Variants in OPA1 observed in about 807,000 individuals in gnomAD.
OPA1 encodes the protein dynamin-like GTPase OPA1, mitochondrial.
OPA1 carries 59 observed loss-of-function variants against 152.9 expected under a neutral mutation model. The observed-to-expected ratio is 0.39, with a 90% confidence interval of 0.31 to 0.48. The LOEUF (loss-of-function observed/expected upper bound fraction) is 0.48, where lower values mean the gene tolerates loss of function less well. OPA1 is among the 20% of genes least tolerant of loss of function. OPA1 has a pLI of 0.96. For missense variants in OPA1, 1,008 were observed against 1,216.8 expected, an observed-to-expected ratio of 0.83 and a Z score of 2.55; for synonymous variants, 400 against 389.9, an observed-to-expected ratio of 1.03 and a Z score of -0.31.
chr3:193,662,101 C>T (rs1035600104), intron 25 of OPA1, among the ~76,000 whole-genome samples: 2 of 151,916 alleles, frequency 1.3e-5, no homozygotes, highest in Admixed American at 6.6e-5. Flanking sequence ...AAGCTAGTTT[C>T]TTCTATCATA....
At chr3:193,662,714 TTG>T in intron 25 of OPA1, 106 bp from the exon 26 acceptor site, 1 of 883,068 alleles carries the variant, frequency 1.1e-6, no homozygotes, top group Admixed American at 2.2e-5. Flanking sequence ...GTGATTAAGC[TTG>T]TGTTATCTTT....
chr3:193,668,166 G>A (rs1301933084), intron 29 of OPA1: 4 of 607,830 alleles, frequency 6.6e-6, no homozygotes, highest in Non-Finnish European at 1.2e-5. Context: ...GCATTACAAG[G>A]TTTGTTCTAG....
chr3:193,660,703 T>G (rs1252500764), intron 25 of OPA1, among the ~76,000 whole-genome samples: 1 of 144,880 alleles, frequency 6.9e-6, no homozygotes, highest in East Asian at 1.9e-4. Context: ...TCTTTACTAT[T>G]TTTTTTTTTG....
At chr3:193,615,093 T>A (rs2108866291) in intron 2 of OPA1, 52 bp downstream of exon 2, 1 of 1,365,282 alleles carries the variant, frequency 7.3e-7, no homozygotes, top group Non-Finnish European at 1.0e-6. Flanking sequence ...TGATTAAGTT[T>A]CTATAGCATA....
At chr3:193,646,285 A>G (rs192283639) in intron 18 of OPA1, among the ~76,000 whole-genome samples, 108 of 152,306 alleles carry the variant, frequency 7.1e-4, no homozygotes, top group Non-Finnish European at 1.3e-3. Context: ...ATAGAAAAGT[A>G]TGTTTGTTCC....
intron 29 of OPA1, among the ~76,000 whole-genome samples, chr3:193,672,180 G>A (rs754430362): frequency 6.6e-6 from 1 of 152,142 alleles, no homozygotes; most frequent in Non-Finnish European, 1.5e-5. Context: ...ATGAAGATTG[G>A]TATGTTATAG....
chr3:193,600,268 G>A (rs186089366), intron 1 of OPA1, among the ~76,000 whole-genome samples: 38 of 152,242 alleles, frequency 2.5e-4, no homozygotes, highest in African/African-American at 8.9e-4. Context: ...GTCTCAGTGT[G>A]GAACTCACAA....
chr3:193,681,124 A>T (rs1295506306), intron 29 of OPA1, among the ~76,000 whole-genome samples: 1 of 152,224 alleles, frequency 6.6e-6, no homozygotes, highest in Admixed American at 6.5e-5. Context: ...TGGGTTTTCT[A>T]AGAATTCAGC....
intron 29 of OPA1, among the ~76,000 whole-genome samples, chr3:193,679,403 C>T (rs759164709): frequency 2.6e-5 from 4 of 151,958 alleles, no homozygotes; most frequent in Non-Finnish European, 5.9e-5. Flanking sequence ...AGGATCTGGC[C>T]CTCACATTTA....
intron 21 of OPA1, among the ~76,000 whole-genome samples, chr3:193,650,915 A>C (rs1560385665): frequency 6.6e-6 from 1 of 152,154 alleles, no homozygotes; most frequent in Non-Finnish European, 1.5e-5. Context: ...ACTATGGTAC[A>C]TTTTTAGAAA....
At chr3:193,597,004 A>G (rs1049678098) in intron 1 of OPA1, 2 of 152,200 alleles carry the variant, frequency 1.3e-5, no homozygotes, top group African/African-American at 4.8e-5. Context: ...AGTGGTGTCA[A>G]CGCCTAAAGT....
intron 23 of OPA1, among the ~76,000 whole-genome samples, chr3:193,658,289 T>G (rs564011010): frequency 1.3e-5 from 2 of 152,014 alleles, no homozygotes; most frequent in East Asian, 3.9e-4. Flanking sequence ...TTTATTCTTG[T>G]TAAATGCCTT....
intron 1 of OPA1, among the ~76,000 whole-genome samples, chr3:193,596,177 T>C (rs941518696): frequency 2.0e-5 from 3 of 147,474 alleles, no homozygotes; most frequent in Non-Finnish European, 1.5e-5. Flanking sequence ...ATCACTTAAC[T>C]TTCCTCTTAT....
chr3:193,659,035 T>C (rs1560035966), intron 24 of OPA1, 40 bp downstream of exon 24: 2 of 1,359,230 alleles, frequency 1.5e-6, no homozygotes, highest in East Asian at 2.3e-5. Flanking sequence ...GAGTTCACAG[T>C]GGTGAAGGAG....
intron 1 of OPA1, among the ~76,000 whole-genome samples, chr3:193,599,643 A>C (rs1329108371): frequency 6.6e-6 from 1 of 152,054 alleles, no homozygotes; most frequent in African/African-American, 2.4e-5. Context: ...TGTGGAAATA[A>C]TTTGAGATTT....
At chr3:193,668,422 T>C (rs754940888) in intron 29 of OPA1, 39 of 1,550,588 alleles carry the variant, frequency 2.5e-5, no homozygotes, top group Middle Eastern at 3.3e-4. Context: ...CTGACATCCG[T>C]GCCAGGTTGC....
At chr3:193,618,748 C>G in intron 5 of OPA1, 121 bp from the exon 6 acceptor site, 1 of 798,094 alleles carries the variant, frequency 1.3e-6, no homozygotes, top group Non-Finnish European at 2.2e-6. Context: ...CGATTTGATT[C>G]TTTGAATCTG....
At chr3:193,619,255 C>T (rs933600494) in intron 6 of OPA1, among the ~76,000 whole-genome samples, 2 of 152,088 alleles carry the variant, frequency 1.3e-5, no homozygotes, top group African/African-American at 4.8e-5. Flanking sequence ...CTTTTCTTTC[C>T]CTAGGACCTC....
chr3:193,666,672 C>T (rs984387848), intron 28 of OPA1, among the ~76,000 whole-genome samples: 6 of 152,008 alleles, frequency 3.9e-5, no homozygotes, highest in African/African-American at 1.5e-4. Flanking sequence ...ATCTGTAGTT[C>T]TAGCTACTTG....
Sources: allele counts gnomAD v4.1 joint callset (sites outside exome capture counted in the v4.1 genomes callset), GRCh38; gene constraint gnomAD v4.1.1; transcripts MANE v1.5; gene names NCBI Gene and HGNC (gene_info 2026-07-23, HGNC 2026-07-21).